Variants in CACNA2D3 observed in about 807,000 individuals in gnomAD.
CACNA2D3 encodes the protein voltage-dependent calcium channel subunit alpha-2/delta-3.
A neutral mutation model predicts 160.6 loss-of-function variants in CACNA2D3; 60 were observed. The observed-to-expected ratio is 0.37, with a 90% CI of 0.30 to 0.46. The LOEUF (loss-of-function observed/expected upper bound fraction) is 0.46, where lower values mean the gene tolerates loss of function less well. Ranked by LOEUF, CACNA2D3 falls within the 20% of genes least tolerant of loss-of-function variation. CACNA2D3 has a pLI of 1.00. For synonymous variants in CACNA2D3, 558 were observed against 492.9 expected (o/e 1.13, Z -1.75); for missense variants, 1,205 against 1,365.0 (o/e 0.88, Z 1.85).
intron 4 of CACNA2D3, among the ~76,000 whole-genome samples, chr3:54,408,851 T>C (rs1026899185): frequency 6.6e-5 from 10 of 152,222 alleles, no homozygotes; most frequent in Non-Finnish European, 1.5e-4. Flanking sequence ...TAACATTTAT[T>C]CAGAACTAAG....
At chr3:55,067,621 A>G (rs1045292714) in intron 35 of CACNA2D3, among the ~76,000 whole-genome samples, 1 of 152,178 alleles carries the variant, frequency 6.6e-6, no homozygotes, top group African/African-American at 2.4e-5. Context: ...GTCCCTTGAC[A>G]GTTACTCCCT....
chr3:54,985,597 C>T (rs78999768), intron 30 of CACNA2D3, among the ~76,000 whole-genome samples: 7 of 152,050 alleles, frequency 4.6e-5, no homozygotes, highest in African/African-American at 7.2e-5. Flanking sequence ...GGATGGTTGA[C>T]GATATAAGGT....
intron 5 of CACNA2D3, among the ~76,000 whole-genome samples, chr3:54,549,774 G>A (rs1702126507): frequency 6.6e-6 from 1 of 152,198 alleles, no homozygotes; most frequent in Non-Finnish European, 1.5e-5. Context: ...GACCCTGTCA[G>A]GGTACCTGCT....
chr3:54,942,229 C>G (rs899376416), intron 27 of CACNA2D3, among the ~76,000 whole-genome samples: 3 of 152,128 alleles, frequency 2.0e-5, no homozygotes, highest in African/African-American at 7.2e-5. Flanking sequence ...TAACGCCAGC[C>G]CATGGTCCCT....
intron 9 of CACNA2D3, 69 bp downstream of exon 9, chr3:54,581,946 A>G: frequency 7.7e-7 from 1 of 1,298,948 alleles, no homozygotes; most frequent in Non-Finnish European, 1.1e-6. Context: ...ATTGTTTCAC[A>G]ATAAATCTGT....
intron 5 of CACNA2D3, among the ~76,000 whole-genome samples, chr3:54,561,127 T>G (rs1436348010): frequency 2.0e-5 from 3 of 152,198 alleles, no homozygotes; most frequent in Admixed American, 2.0e-4. Context: ...TCAACGGTAA[T>G]TTATTAGGAT....
chr3:54,541,413 A>G (rs1441395364), intron 5 of CACNA2D3, among the ~76,000 whole-genome samples: 2 of 152,140 alleles, frequency 1.3e-5, no homozygotes, highest in Non-Finnish European at 2.9e-5. Context: ...CCAAGCAAAA[A>G]GGACTGCCAA....
intron 11 of CACNA2D3, among the ~76,000 whole-genome samples, chr3:54,680,411 T>C (rs1180518920): frequency 6.6e-6 from 1 of 152,220 alleles, no homozygotes; most frequent in Non-Finnish European, 1.5e-5. Context: ...GGAGTTTTTA[T>C]TGAATTTTTA....
At chr3:54,267,572 G>C (rs967260945) in intron 2 of CACNA2D3, among the ~76,000 whole-genome samples, 3 of 152,162 alleles carry the variant, frequency 2.0e-5, no homozygotes, top group South Asian at 4.1e-4. Context: ...ACAGAAGTTA[G>C]TCACTGTTTT....
In CACNA2D3 at chr3:54,724,145, C is replaced by T. The variant is rs560711842; in HGVS notation, c.1168-28454C>T. Reference sequence around the variant, plus strand: ...AATGTCTGATAAAACAGACTTTAAACCAACAAAGATTGAAAGAGACAAAGA... The same window carrying T: ...AATGTCTGATAAAACAGACTTTAAATCAACAAAGATTGAAAGAGACAAAGA... On this transcript the variant is annotated intron_variant, in intron 11 of 37. Transcript: ENST00000474759. Among the ~76,000 whole-genome samples the T allele has an allele frequency of 7.2e-5, 11 of 152,182 alleles. No homozygotes were observed. The East Asian group carries it at 2.1e-3, about 29-fold the overall frequency.
intron 5 of CACNA2D3, among the ~76,000 whole-genome samples, chr3:54,548,576 C>A (rs1702103262): frequency 6.6e-6 from 1 of 152,174 alleles, no homozygotes; most frequent in Non-Finnish European, 1.5e-5. Flanking sequence ...ATTCTGATCC[C>A]CAAACCCAGT....
intron 4 of CACNA2D3, among the ~76,000 whole-genome samples, chr3:54,482,345 T>C (rs1700947685): frequency 1.3e-5 from 2 of 152,212 alleles, no homozygotes; most frequent in Admixed American, 1.3e-4. Context: ...CACTTAGTTA[T>C]TCTATCCCTT....
At chr3:54,831,614 A>G (rs1005850808) in intron 14 of CACNA2D3, among the ~76,000 whole-genome samples, 1 of 152,208 alleles carries the variant, frequency 6.6e-6, no homozygotes, top group Non-Finnish European at 1.5e-5. Context: ...AGTCATTACC[A>G]TCAGTATTTG....
intron 11 of CACNA2D3, among the ~76,000 whole-genome samples, chr3:54,679,299 T>A (rs1700300911): frequency 6.6e-6 from 1 of 152,204 alleles, no homozygotes; most frequent in Non-Finnish European, 1.5e-5. Flanking sequence ...GGCATTTTCT[T>A]GGGTATTATA....
intron 4 of CACNA2D3, among the ~76,000 whole-genome samples, chr3:54,487,608 A>G (rs1035036786): frequency 6.6e-6 from 1 of 152,190 alleles, no homozygotes; most frequent in Non-Finnish European, 1.5e-5. Context: ...GAACAAGATT[A>G]AAAATATTTC....
At chr3:54,927,068 T>A (rs1240034404) in intron 27 of CACNA2D3, among the ~76,000 whole-genome samples, 1 of 152,162 alleles carries the variant, frequency 6.6e-6, no homozygotes, top group Non-Finnish European at 1.5e-5. Context: ...TATCCAAAAC[T>A]CAAAATAGTT....
At chr3:54,844,089 C>CT (rs1236388273) in intron 16 of CACNA2D3, among the ~76,000 whole-genome samples, 1 of 152,030 alleles carries the variant, frequency 6.6e-6, no homozygotes, top group Admixed American at 6.5e-5. Flanking sequence ...CTAAGGCAGA[C>CT]AGTAGGTACT....
At chr3:54,805,061 G>C (rs913251561) in intron 13 of CACNA2D3, among the ~76,000 whole-genome samples, 3 of 152,172 alleles carry the variant, frequency 2.0e-5, no homozygotes, top group African/African-American at 4.8e-5. Flanking sequence ...AGTGTATAGA[G>C]GGAAATTTAT....
At chr3:54,887,463 A>C (rs1559617638) in intron 23 of CACNA2D3, among the ~76,000 whole-genome samples, 1 of 152,204 alleles carries the variant, frequency 6.6e-6, no homozygotes, top group African/African-American at 2.4e-5. Context: ...AAATAAAATG[A>C]AACAATTCTT....
Sources: allele counts gnomAD v4.1 joint callset (sites outside exome capture counted in the v4.1 genomes callset), GRCh38; gene constraint gnomAD v4.1.1; transcripts MANE v1.5; gene names NCBI Gene and HGNC (gene_info 2026-07-23, HGNC 2026-07-21).